The following PTPRM variants were observed in gnomAD, a reference collection of about 807,000 sequenced individuals.
The protein encoded by PTPRM is receptor-type tyrosine-protein phosphatase mu.
A neutral mutation model predicts 186.7 loss-of-function variants in PTPRM; 47 were observed. The ratio of observed to expected loss-of-function variants is 0.25; its 90% CI spans 0.20 to 0.32. The LOEUF is 0.32. Among genes scored for constraint, PTPRM ranks in the 10% least tolerant of loss-of-function variants. The pLI is 1.00. For missense variants in PTPRM, 1,494 were observed against 1,865.0 expected (o/e 0.80, Z 3.66); for synonymous variants, 668 against 674.9 (o/e 0.99, Z 0.16).
Position 7,895,195 on chromosome 18 carries a change from G to T in PTPRM, c.468+6818G>T, listed in dbSNP as rs567716526. On this transcript the variant is annotated intron_variant, in intron 3 of 32. Transcript: ENST00000580170. ...TTTCCTAATTACAGCGGGGTGGGGG[G>T]TAGTGATTAGGGGTAATTAGGGGTT... Among the ~76,000 whole-genome samples, 6 of 152,050 alleles carry T rather than the reference G, an allele frequency of 3.9e-5. No homozygotes were observed. In the East Asian group the frequency reaches 1.2e-3, roughly 30 times the overall value.
intron 2 of PTPRM, among the ~76,000 whole-genome samples, chr18:7,797,315 G>A (rs1388071401): frequency 6.6e-6 from 1 of 152,144 alleles, no homozygotes; most frequent in Non-Finnish European, 1.5e-5. Flanking sequence ...CCAGACATTT[G>A]CTGTTTGTCC....
intron 5 of PTPRM, among the ~76,000 whole-genome samples, chr18:7,934,938 T>A (rs1568035496): frequency 6.6e-6 from 1 of 152,214 alleles, no homozygotes; most frequent in Admixed American, 6.5e-5. Flanking sequence ...CAATTAAAGT[T>A]GTTTTTGTAT....
At chr18:8,240,828 A>AG (rs879710754) in intron 14 of PTPRM, among the ~76,000 whole-genome samples, 805 of 30,538 alleles carry the variant, frequency 0.026, 60 homozygotes, top group Admixed American at 0.033. Flanking sequence ...GAGAGAGAGA[A>AG]AGAAAGAAAG....
At chr18:8,122,500 A>G (rs1410457524) in intron 13 of PTPRM, among the ~76,000 whole-genome samples, 1 of 152,204 alleles carries the variant, frequency 6.6e-6, no homozygotes, top group Non-Finnish European at 1.5e-5. Context: ...GCACATTTAT[A>G]TCCATGCATT....
intron 1 of PTPRM, among the ~76,000 whole-genome samples, chr18:7,595,800 T>C (rs1489806765): frequency 6.6e-6 from 1 of 152,208 alleles, no homozygotes; most frequent in Admixed American, 6.5e-5. Context: ...ATATTTGAAT[T>C]TGTGCACAGC....
intron 14 of PTPRM, among the ~76,000 whole-genome samples, chr18:8,172,164 T>C (rs140053005): frequency 0.014 from 2,161 of 152,126 alleles, 51 homozygotes; most frequent in African/African-American, 0.05. Context: ...GGACTCACAG[T>C]TCTACGTGGC....
intron 13 of PTPRM, among the ~76,000 whole-genome samples, chr18:8,142,923 A>G (rs2092798055): frequency 6.6e-6 from 1 of 152,192 alleles, no homozygotes; most frequent in African/African-American, 2.4e-5. Flanking sequence ...CGGGACAAAC[A>G]TGTCTCATGT....
chr18:8,345,792 A>AGT (rs1168399085), intron 23 of PTPRM, among the ~76,000 whole-genome samples: 1 of 152,118 alleles, frequency 6.6e-6, no homozygotes, highest in African/African-American at 2.4e-5. Flanking sequence ...ACAAGACTAC[A>AGT]GTAAAAGGTA....
At chr18:7,697,807 A>G (rs1331616841) in intron 1 of PTPRM, among the ~76,000 whole-genome samples, 3 of 152,318 alleles carry the variant, frequency 2.0e-5, no homozygotes, top group African/African-American at 7.2e-5. Context: ...CTGTACATGG[A>G]GATGGAGGTG....
At chr18:7,633,033 C>T (rs2038228030) in intron 1 of PTPRM, among the ~76,000 whole-genome samples, 1 of 152,116 alleles carries the variant, frequency 6.6e-6, no homozygotes, top group South Asian at 2.1e-4. Context: ...AGTGTTGAGA[C>T]AGCATATTGA....
intron 1 of PTPRM, among the ~76,000 whole-genome samples, chr18:7,660,367 G>A (rs1568012062): frequency 6.6e-6 from 1 of 151,870 alleles, no homozygotes; most frequent in African/African-American, 2.4e-5. Flanking sequence ...AGTAAAGCAA[G>A]CAGTAGAAGT....
intron 2 of PTPRM, among the ~76,000 whole-genome samples, chr18:7,826,604 C>T (rs1224524897): frequency 6.6e-6 from 1 of 152,140 alleles, no homozygotes; most frequent in Non-Finnish European, 1.5e-5. Context: ...ATGAAACTCC[C>T]ATGAAATAAA....
chr18:8,096,950 C>T lies in PTPRM; in HGVS notation c.1856+8099C>T, dbSNP rs972374559. 1.6e-4 allele frequency among the ~76,000 whole-genome samples: 24 copies of T among 152,246 alleles called. No homozygotes were observed. The East Asian group carries it at 2.1e-3, about 14-fold the overall frequency. ...AGCCCTAGACTTTTAGAACTGAGGA[C>T]GACCAACTCAGAAGTCCTGACCACA... On this transcript the variant is annotated intron_variant, in intron 11 of 32. Coordinates refer to ENST00000580170, the MANE Select transcript of PTPRM (RefSeq NM_001105244.2).
At chr18:8,288,037 G>A (rs1445147274) in intron 19 of PTPRM, among the ~76,000 whole-genome samples, 1 of 152,146 alleles carries the variant, frequency 6.6e-6, no homozygotes, top group Non-Finnish European at 1.5e-5. Context: ...TGATATACAT[G>A]GGAATCAAGA....
intron 14 of PTPRM, among the ~76,000 whole-genome samples, chr18:8,237,704 C>T (rs911454568): frequency 3.9e-5 from 6 of 152,018 alleles, no homozygotes; most frequent in Non-Finnish European, 8.8e-5. Flanking sequence ...CCTCGGCCTC[C>T]CAAAGTGCTG....
chr18:8,406,627 G>A lies in PTPRM; in HGVS notation c.*465G>A, dbSNP rs2095907524. On this transcript the variant is annotated 3_prime_UTR_variant, in exon 33 of 33. Transcript: ENST00000580170. ...ATGTTGCATAATATATGCTTATGTA[G>A]CTTTCCAGGACTAACAGATAAATGT... The A allele has an allele frequency of 6.3e-6, 1 of 157,890 alleles. No homozygotes were observed. Among genetic ancestry groups the A allele is most frequent in the South Asian group, 1.9e-4 (1 of 5,394 alleles). The allele number at this position is 157,890 out of a possible 1,614,324, so 9.8% of individuals were successfully genotyped here.
intron 9 of PTPRM, among the ~76,000 whole-genome samples, chr18:8,080,154 C>A (rs2090049107): frequency 9.1e-6 from 1 of 110,314 alleles, no homozygotes; most frequent in Admixed American, 9.3e-5. Context: ...TGGGAACACA[C>A]ATTTTGCAGT....
At chr18:8,289,621 C>CAT (rs201779734) in intron 19 of PTPRM, among the ~76,000 whole-genome samples, 9,335 of 124,582 alleles carry the variant, frequency 0.075, 967 homozygotes, top group African/African-American at 0.19. Context: ...TATATATACA[C>CAT]ATATATATAT....
chr18:8,303,172 A>T (rs1401073182), intron 20 of PTPRM, among the ~76,000 whole-genome samples: 4 of 152,042 alleles, frequency 2.6e-5, no homozygotes, highest in African/African-American at 9.7e-5. Context: ...CGGTGCAGGG[A>T]GCACTCTCAT....
Sources: allele counts gnomAD v4.1 joint callset (sites outside exome capture counted in the v4.1 genomes callset), GRCh38; gene constraint gnomAD v4.1.1; transcripts MANE v1.5; gene names NCBI Gene and HGNC (gene_info 2026-07-23, HGNC 2026-07-21).